The following GALNT17 variants were observed in gnomAD, a reference collection of about 807,000 sequenced individuals.
The protein encoded by GALNT17 is UDP-GalNAc:polypeptide N-acetylgalactosaminyltransferase-like 3.
In GALNT17, 29 loss-of-function variants were observed where a neutral mutation model predicts 63.7. The observed-to-expected ratio is 0.46, with a 90% CI of 0.34 to 0.62. The LOEUF (loss-of-function observed/expected upper bound fraction) is 0.62. Among genes scored for constraint, GALNT17 ranks in the 20% least tolerant of loss-of-function variants. The pLI is 0.01. For missense variants in GALNT17, 603 were observed against 799.6 expected (o/e 0.75, Z 2.97); for synonymous variants, 305 against 318.3 (o/e 0.96, Z 0.45).
chr7:71,595,403 C>A (rs1293434145), intron 6 of GALNT17, among the ~76,000 whole-genome samples: 1 of 149,996 alleles, frequency 6.7e-6, no homozygotes, highest in Non-Finnish European at 1.5e-5. Context: ...GCATTCCAGT[C>A]TGGGTAAGAC....
intron 5 of GALNT17, among the ~76,000 whole-genome samples, chr7:71,557,349 C>A (rs1415855007): frequency 6.6e-6 from 1 of 152,148 alleles, no homozygotes; most frequent in South Asian, 2.1e-4. Context: ...ATGCCATTCT[C>A]GAATGTACAT....
chr7:71,638,692 T>A (rs1199270030), intron 6 of GALNT17, among the ~76,000 whole-genome samples: 3 of 152,174 alleles, frequency 2.0e-5, no homozygotes, highest in Non-Finnish European at 2.9e-5. Flanking sequence ...ATCAGACAGG[T>A]CTTTTGGTAT....
At chr7:71,643,256 T>G (rs1352287241) in intron 6 of GALNT17, among the ~76,000 whole-genome samples, 1 of 151,774 alleles carries the variant, frequency 6.6e-6, no homozygotes, top group Non-Finnish European at 1.5e-5. Context: ...TCACCAGAGG[T>G]CAGGAGTTTG....
At chr7:71,677,751 G>A (rs1029857707) in intron 9 of GALNT17, among the ~76,000 whole-genome samples, 1 of 152,066 alleles carries the variant, frequency 6.6e-6, no homozygotes, top group Admixed American at 6.6e-5. Context: ...TCCTGACCTT[G>A]TGATCCGCCC....
intron 5 of GALNT17, among the ~76,000 whole-genome samples, chr7:71,454,786 G>A (rs775040034): frequency 3.3e-5 from 5 of 152,138 alleles, no homozygotes; most frequent in African/African-American, 4.8e-5. Context: ...TCAGCTCTCT[G>A]ACATCAAAAG....
At position 71,308,896 on chromosome 7, in the gene GALNT17, A is replaced by G. The variant is rs149417523; in HGVS notation, c.239-26654A>G. 4.9e-3 allele frequency among the ~76,000 whole-genome samples: 747 copies of G among 152,102 alleles called. 6 individuals carry two copies. Among genetic ancestry groups the G allele is most frequent in the Admixed American group, 8.1e-3 (124 of 15,250 alleles). On this transcript the variant is annotated intron_variant, in intron 1 of 10. Transcript: ENST00000333538. ...AGTAGCTGCATTACAGGCAAGCACC[A>G]TTACGCCTGGGTAATTTTTGTATGT...
At chr7:71,437,308 A>C (rs1236849538) in intron 5 of GALNT17, among the ~76,000 whole-genome samples, 1 of 152,158 alleles carries the variant, frequency 6.6e-6, no homozygotes, top group Non-Finnish European at 1.5e-5. Context: ...CAGCCTTCCA[A>C]GATTTGCTTT....
chr7:71,672,997 TG>T (rs1431438396), intron 8 of GALNT17, among the ~76,000 whole-genome samples: 1 of 60,124 alleles, frequency 1.7e-5, no homozygotes, highest in African/African-American at 3.0e-5. Context: ...TACACAGAGG[TG>T]TTTTTTTTTC....
At position 71,300,102 on chromosome 7, in the gene GALNT17, A is replaced by G. The variant is rs115946974; in HGVS notation, c.239-35448A>G. 8.3e-3 allele frequency among the ~76,000 whole-genome samples: 1,268 copies of G among 152,222 alleles called. 17 individuals are homozygous for G. The highest frequency in any genetic ancestry group is 0.028 in the African/African-American group (1,179 of 41,540). On this transcript the variant is annotated intron_variant, in intron 1 of 10. Transcript: ENST00000333538. ...CCTGGAGGGAATGTTTCAACCTCATAATCCCGGCCTCTCAAAGCCTGCCTC... is the reference window on the plus strand; with the variant it reads ...CCTGGAGGGAATGTTTCAACCTCATGATCCCGGCCTCTCAAAGCCTGCCTC...
chr7:71,459,217 A>C (rs114506561), intron 5 of GALNT17, among the ~76,000 whole-genome samples: 1 of 152,158 alleles, frequency 6.6e-6, no homozygotes, highest in Non-Finnish European at 1.5e-5. Context: ...GGGCTACCAC[A>C]TGGGCAGATA....
At chr7:71,525,353 TTTTG>T (rs1788606074) in intron 5 of GALNT17, among the ~76,000 whole-genome samples, 1 of 152,006 alleles carries the variant, frequency 6.6e-6, no homozygotes, top group East Asian at 1.9e-4. Flanking sequence ...CGGCTAATTT[TTTTG>T]TTTGTTTTTG....
At chr7:71,650,838 C>T (rs1184056933) in intron 6 of GALNT17, among the ~76,000 whole-genome samples, 1 of 152,166 alleles carries the variant, frequency 6.6e-6, no homozygotes, top group Non-Finnish European at 1.5e-5. Context: ...ATTTTCAATA[C>T]TTTCCTGGCA....
intron 6 of GALNT17, among the ~76,000 whole-genome samples, chr7:71,613,044 C>T (rs1035718587): frequency 2.0e-5 from 3 of 152,108 alleles, no homozygotes; most frequent in East Asian, 3.9e-4. Context: ...GTTTCTGATG[C>T]GGGGAGGCTA....
At chr7:71,381,385 T>C (rs987066213) in intron 2 of GALNT17, among the ~76,000 whole-genome samples, 1 of 152,176 alleles carries the variant, frequency 6.6e-6, no homozygotes, top group African/African-American at 2.4e-5. Flanking sequence ...TAGGAGGCAC[T>C]ATCCCTTGCG....
chr7:71,341,069 CTTAAAAG>C (rs770209486), intron 2 of GALNT17, among the ~76,000 whole-genome samples: 66 of 152,116 alleles, frequency 4.3e-4, no homozygotes, highest in Non-Finnish European at 6.6e-4. Context: ...AAAAATAAAT[CTTAAAAG>C]TTAAAAGTTA....
chr7:71,368,604 T>A (rs1414145510), intron 2 of GALNT17, among the ~76,000 whole-genome samples: 1 of 152,150 alleles, frequency 6.6e-6, no homozygotes. Context: ...CATTTATCCT[T>A]CCGTGTCATA....
chr7:71,621,505 G>GGATA (rs1790290151), intron 6 of GALNT17, among the ~76,000 whole-genome samples: 1 of 101,388 alleles, frequency 9.9e-6, no homozygotes, highest in Non-Finnish European at 2.1e-5. Context: ...ATGGATAGAT[G>GGATA]GATGGATGGA....
chr7:71,536,956 A>C (rs1293253454), intron 5 of GALNT17, among the ~76,000 whole-genome samples: 1 of 152,016 alleles, frequency 6.6e-6, no homozygotes, highest in African/African-American at 2.4e-5. Flanking sequence ...CCCTTGAGTC[A>C]CTCTGTATGC....
chr7:71,518,182 G>A (rs1788473550), intron 5 of GALNT17, among the ~76,000 whole-genome samples: 1 of 152,214 alleles, frequency 6.6e-6, no homozygotes, highest in African/African-American at 2.4e-5. Flanking sequence ...TTAAGCAGGA[G>A]CATGGCATGA....
Sources: gnomAD v4.1 joint callset for allele counts (sites outside exome capture counted in the v4.1 genomes callset) on GRCh38, gnomAD v4.1.1 for gene constraint, MANE v1.5 for transcripts, NCBI Gene and HGNC (gene_info 2026-07-23, HGNC 2026-07-21) for gene names.